The following KLF12 variants were observed in gnomAD, a reference collection of about 807,000 sequenced individuals.
KLF12 encodes the protein KLF transcription factor 12, also known as Krueppel-like factor 12.
A neutral mutation model predicts 37.8 loss-of-function variants in KLF12; 9 were observed. That is an observed-to-expected ratio of 0.24 (90% confidence interval 0.14 to 0.42). KLF12 has a LOEUF of 0.42. KLF12 is among the 10% of genes least tolerant of loss of function. The pLI, the probability that KLF12 is intolerant of heterozygous loss-of-function variation, is 1.00. For missense variants in KLF12, 411 were observed against 516.0 expected, an observed-to-expected ratio of 0.80 and a Z score of 1.97; for synonymous variants, 208 against 202.1, an observed-to-expected ratio of 1.03 and a Z score of -0.25.
the KLF12 span, among the ~76,000 whole-genome samples, chr13:74,266,154 C>T: frequency 2.0e-5 from 3 of 152,170 alleles, no homozygotes; most frequent in Non-Finnish European, 4.4e-5. Context: ...CCCATTTGAT[C>T]CAGCGGATCC....
At chr13:73,790,140 A>G (rs796866603) in intron 5 of KLF12, among the ~76,000 whole-genome samples, 10 of 152,224 alleles carry the variant, frequency 6.6e-5, no homozygotes, top group African/African-American at 1.9e-4. Flanking sequence ...CGCTGTTCAC[A>G]TAACAGTACT....
chr13:73,786,912 G>A (rs1881391985), intron 5 of KLF12, among the ~76,000 whole-genome samples: 1 of 152,138 alleles, frequency 6.6e-6, no homozygotes, highest in South Asian at 2.1e-4. Flanking sequence ...GCGACGGAGT[G>A]AGGCCCTGTC....
intron 5 of KLF12, among the ~76,000 whole-genome samples, chr13:73,790,821 C>A (rs1255291689): frequency 6.6e-6 from 1 of 152,198 alleles, no homozygotes; most frequent in African/African-American, 2.4e-5. Flanking sequence ...GGTTGACTTG[C>A]ACACAGGGCC....
At chr13:73,938,132 A>G (rs1019911876) in intron 3 of KLF12, among the ~76,000 whole-genome samples, 1 of 152,226 alleles carries the variant, frequency 6.6e-6, no homozygotes, top group African/African-American at 2.4e-5. Context: ...GGGAATAATG[A>G]GCCCCTGGTT....
intron 5 of KLF12, among the ~76,000 whole-genome samples, chr13:73,806,513 A>C (rs1882637076): frequency 6.6e-6 from 1 of 152,020 alleles, no homozygotes; most frequent in Non-Finnish European, 1.5e-5. Flanking sequence ...ACAGGTGTGC[A>C]CCACAGCACC....
At chr13:74,188,590 G>T in the KLF12 span, among the ~76,000 whole-genome samples, 1 of 152,120 alleles carries the variant, frequency 6.6e-6, no homozygotes, top group Admixed American at 6.6e-5. Context: ...AACATACCAG[G>T]TTTGAATCCT....
intron 1 of KLF12, among the ~76,000 whole-genome samples, chr13:74,018,109 AT>A (rs1232963507): frequency 3.9e-5 from 6 of 152,064 alleles, no homozygotes; most frequent in African/African-American, 1.2e-4. Context: ...ACTTAAAAAA[AT>A]ATACACACGA....
chr13:74,045,694 C>T (rs540679900), intron 1 of KLF12, among the ~76,000 whole-genome samples: 68 of 152,084 alleles, frequency 4.5e-4, no homozygotes, highest in African/African-American at 1.5e-3. Context: ...TGTTCTCCCA[C>T]GTATTTGCAT....
chr13:73,744,516 C>CT (rs1878230056), intron 6 of KLF12, among the ~76,000 whole-genome samples: 2 of 150,946 alleles, frequency 1.3e-5, no homozygotes, highest in Admixed American at 1.3e-4. Context: ...TGACTGGGGC[C>CT]TGTGTGATGG....
At chr13:73,998,410 G>C (rs1268303009) in intron 1 of KLF12, among the ~76,000 whole-genome samples, 2 of 152,104 alleles carry the variant, frequency 1.3e-5, no homozygotes, top group Non-Finnish European at 2.9e-5. Context: ...CATCTAACTA[G>C]CCAGGGATTC....
the KLF12 span, among the ~76,000 whole-genome samples, chr13:74,264,962 G>T: frequency 6.6e-6 from 1 of 151,978 alleles, no homozygotes; most frequent in Non-Finnish European, 1.5e-5. Context: ...AAGCTGTATA[G>T]ATTATTGATC....
intron 5 of KLF12, among the ~76,000 whole-genome samples, chr13:73,775,225 CTT>C (rs1034304089): frequency 6.6e-6 from 1 of 152,002 alleles, no homozygotes; most frequent in African/African-American, 2.4e-5. Flanking sequence ...GCCTATCACT[CTT>C]TTTTCAAAGT....
At chr13:74,198,626 C>G in the KLF12 span, among the ~76,000 whole-genome samples, 1 of 152,056 alleles carries the variant, frequency 6.6e-6, no homozygotes, top group African/African-American at 2.4e-5. Context: ...TATTGTGTAC[C>G]TCTTTGTTAT....
At chr13:74,147,210 C>G in the KLF12 span, among the ~76,000 whole-genome samples, 3 of 151,970 alleles carry the variant, frequency 2.0e-5, no homozygotes, top group Non-Finnish European at 2.9e-5. Flanking sequence ...GACATTGTTC[C>G]TTGTGGATGG....
chr13:73,989,557 G>A (rs1304986593), intron 2 of KLF12, among the ~76,000 whole-genome samples: 1 of 152,110 alleles, frequency 6.6e-6, no homozygotes, highest in Non-Finnish European at 1.5e-5. Context: ...CTTCACTTAA[G>A]GGGCACTGCT....
At chr13:73,725,966 C>G (rs544015589) in intron 6 of KLF12, among the ~76,000 whole-genome samples, 1 of 151,812 alleles carries the variant, frequency 6.6e-6, no homozygotes, top group East Asian at 1.9e-4. Context: ...CCTCCTAGGT[C>G]CAAGCGATTC....
chr13:74,036,467 A>T (rs1200115494), intron 1 of KLF12, among the ~76,000 whole-genome samples: 1 of 152,190 alleles, frequency 6.6e-6, no homozygotes, highest in Non-Finnish European at 1.5e-5. Flanking sequence ...ACAGGCTCCC[A>T]GATCCCCACA....
rs374527139 is a variant in KLF12, at chr13:73,813,304, T to C, written c.671-17A>G. 1.9e-6 allele frequency: 3 copies of C among 1,613,510 alleles called. No homozygotes were observed. Among genetic ancestry groups the C allele is most frequent in the African/African-American group, 1.3e-5 (1 of 74,992 alleles). On this transcript the variant is annotated splice_polypyrimidine_tract_variant and intron_variant, in intron 4 of 7. Coordinates refer to ENST00000377669, the MANE Select transcript of KLF12 (RefSeq NM_007249.5). The stretch of plus-strand genomic sequence containing the variant: ...CCATTTGTGCTGGAGAGAAAAGGCA[T>C]ATATAATGAATTAAAATCAGTGCGC...
intron 2 of KLF12, among the ~76,000 whole-genome samples, chr13:73,976,513 C>A (rs893886092): frequency 3.3e-5 from 5 of 152,170 alleles, no homozygotes; most frequent in Non-Finnish European, 7.4e-5. Context: ...GCCAAGCCAA[C>A]ACCATCTCAT....
Sources: allele counts gnomAD v4.1 joint callset (sites outside exome capture counted in the v4.1 genomes callset), GRCh38; gene constraint gnomAD v4.1.1; transcripts MANE v1.5; gene names NCBI Gene and HGNC (gene_info 2026-07-23, HGNC 2026-07-21).